DNM3: variants seen among roughly 807,000 people sequenced by gnomAD.
DNM3 encodes dynamin-3.
In DNM3, 47 loss-of-function variants were observed where a neutral mutation model predicts 101.6. The ratio of observed to expected loss-of-function variants is 0.46; its 90% CI spans 0.37 to 0.59. The LOEUF (loss-of-function observed/expected upper bound fraction) is 0.59, where lower values mean the gene tolerates loss of function less well. DNM3 is among the 20% of genes least tolerant of loss of function. DNM3 has a pLI of 0.00. For missense variants in DNM3, 849 were observed against 1,085.7 expected, an observed-to-expected ratio of 0.78 and a Z score of 3.06; for synonymous variants, 385 against 387.9, an observed-to-expected ratio of 0.99 and a Z score of 0.09.
At chr1:172,394,386 A>G (rs1132148) in intron 20 of DNM3, 21,599 of 152,262 alleles carry the variant, frequency 0.14, 1,732 homozygotes, top group Non-Finnish European at 0.18. Context: ...TGTGTCCCCT[A>G]TCTCACTCTT....
chr1:172,163,395 T>C (rs556189506), intron 14 of DNM3, among the ~76,000 whole-genome samples: 3 of 151,978 alleles, frequency 2.0e-5, no homozygotes, highest in East Asian at 1.9e-4. Flanking sequence ...CATGCCACCA[T>C]GCCCAGTTAA....
intron 12 of DNM3, among the ~76,000 whole-genome samples, chr1:172,092,050 A>G (rs1294419713): frequency 6.6e-6 from 1 of 152,202 alleles, no homozygotes; most frequent in African/African-American, 2.4e-5. Context: ...TAGAATTGCC[A>G]TTAGTTAAGA....
At chr1:172,013,651 A>G (rs1407632517) in intron 4 of DNM3, among the ~76,000 whole-genome samples, 2 of 152,066 alleles carry the variant, frequency 1.3e-5, no homozygotes, top group South Asian at 4.1e-4. Flanking sequence ...TTGAGGACCC[A>G]TTAATGAGGT....
chr1:172,084,682 G>C (rs1223829818), intron 12 of DNM3, among the ~76,000 whole-genome samples: 1 of 152,142 alleles, frequency 6.6e-6, no homozygotes, highest in Non-Finnish European at 1.5e-5. Flanking sequence ...AGGAAGAAAA[G>C]TCAAGCCATA....
At chr1:171,983,875 T>A (rs1346218263) in intron 2 of DNM3, among the ~76,000 whole-genome samples, 1 of 152,172 alleles carries the variant, frequency 6.6e-6, no homozygotes, top group Non-Finnish European at 1.5e-5. Flanking sequence ...GTAGCAGTGC[T>A]TTTTCTCAAC....
At chr1:172,362,815 T>C (rs1161658721) in intron 17 of DNM3, among the ~76,000 whole-genome samples, 1 of 151,684 alleles carries the variant, frequency 6.6e-6, no homozygotes, top group Non-Finnish European at 1.5e-5. Context: ...AAAAGCTCTG[T>C]TAAAGATTCT....
At chr1:171,890,726 G>A (rs918471650) in intron 1 of DNM3, among the ~76,000 whole-genome samples, 71 of 151,974 alleles carry the variant, frequency 4.7e-4, no homozygotes, top group African/African-American at 1.7e-3. Flanking sequence ...GTGTGTATGG[G>A]GCATGGGAAA....
At chr1:172,250,769 G>A (rs1159375291) in intron 14 of DNM3, among the ~76,000 whole-genome samples, 1 of 152,090 alleles carries the variant, frequency 6.6e-6, no homozygotes, top group Non-Finnish European at 1.5e-5. Flanking sequence ...AAACCTGATA[G>A]CAGAAACAGG....
At chr1:172,395,408 T>A (rs1329736590) in intron 20 of DNM3, among the ~76,000 whole-genome samples, 1 of 152,048 alleles carries the variant, frequency 6.6e-6, no homozygotes, top group Non-Finnish European at 1.5e-5. Flanking sequence ...TGACCTCAGG[T>A]GATCCACCCA....
Position 172,410,572 on chromosome 1 carries a change from C to T in DNM3, c.*2731C>T, listed in dbSNP as rs1178200010. On this transcript the variant is annotated 3_prime_UTR_variant, in exon 21 of 21. Coordinates refer to ENST00000627582, the MANE Select transcript of DNM3 (RefSeq NM_015569.5). ...GAATAACCATTTACTCAATTATGGA[C>T]AGCTTATTGAAATAGTATTGATTTA... 5 of 984,148 alleles carry T rather than the reference C, an allele frequency of 5.1e-6. No individual in the cohort carries two copies. The highest frequency in any genetic ancestry group is 1.7e-5 in the African/African-American group (1 of 57,180). The allele number at this position is 984,148 out of a possible 1,614,324, so 61.0% of individuals were successfully genotyped here.
At position 172,048,665 on chromosome 1, in the gene DNM3, T is replaced by C. The variant is rs1345591627; in HGVS notation, c.1250T>C (p.Ile417Thr). The stretch of plus-strand genomic sequence containing the variant: ...TTTGAAGCGATAGTCAAGAAACAGA[T>C]TGTAAAGTTGAAAGGGCCTTCCTTG... ...MAFEAIVKKQ[I>T]VKLKGPSLKS... The change falls in exon 10 of 21, where the codon ATT (isoleucine) becomes ACT (threonine). Residue 417 changes from isoleucine to threonine, a missense_variant. This residue lies in a region of DNM3 where 193 missense variants were observed against 238.4 expected (regional missense o/e 0.81). Transcript: ENST00000627582. 1.9e-6 allele frequency: 3 copies of C among 1,613,664 alleles called. No homozygotes were observed. The highest frequency in any genetic ancestry group is 2.5e-6 in the Non-Finnish European group (3 of 1,179,700).
At chr1:172,032,097 T>A (rs1292259037) in intron 4 of DNM3, among the ~76,000 whole-genome samples, 3 of 152,130 alleles carry the variant, frequency 2.0e-5, no homozygotes, top group Non-Finnish European at 4.4e-5. Flanking sequence ...AAAATGAAAA[T>A]GTATAATTTC....
chr1:172,109,326 G>A (rs1440636121), intron 13 of DNM3, among the ~76,000 whole-genome samples: 1 of 152,170 alleles, frequency 6.6e-6, no homozygotes, highest in African/African-American at 2.4e-5. Flanking sequence ...GGAAAAGGAG[G>A]ATTTGTTTTT....
chr1:172,172,823 G>C (rs923727298), intron 14 of DNM3, among the ~76,000 whole-genome samples: 1 of 151,818 alleles, frequency 6.6e-6, no homozygotes, highest in Non-Finnish European at 1.5e-5. Context: ...GTGTGGTTGG[G>C]AAAACATTTC....
intron 17 of DNM3, among the ~76,000 whole-genome samples, chr1:172,339,674 C>T (rs2066602996): frequency 6.6e-6 from 1 of 152,178 alleles, no homozygotes; most frequent in South Asian, 2.1e-4. Flanking sequence ...CCTACAAGCC[C>T]ACCGTCTTTC....
chr1:172,083,807 T>TATA (rs958446652), intron 12 of DNM3, among the ~76,000 whole-genome samples: 1 of 152,162 alleles, frequency 6.6e-6, no homozygotes, highest in African/African-American at 2.4e-5. Context: ...TATATTGATT[T>TATA]ATAGGTTTCC....
intron 13 of DNM3, among the ~76,000 whole-genome samples, chr1:172,095,787 C>G (rs1319674439): frequency 6.6e-6 from 1 of 152,164 alleles, no homozygotes; most frequent in African/African-American, 2.4e-5. Flanking sequence ...TCTTTAAAGT[C>G]TAAATTTGCT....
chr1:172,220,126 G>A (rs909210189), intron 14 of DNM3, among the ~76,000 whole-genome samples: 11 of 152,110 alleles, frequency 7.2e-5, no homozygotes, highest in Admixed American at 3.9e-4. Flanking sequence ...ATATTTTAAG[G>A]ACATGAACAA....
chr1:172,239,817 T>TTTTTTTTTTC (rs2061684456), intron 14 of DNM3, among the ~76,000 whole-genome samples: 1 of 143,750 alleles, frequency 7.0e-6, no homozygotes, highest in African/African-American at 2.6e-5. Context: ...TTTTTTTTTT[T>TTTTTTTTTTC]TTTGTAGTGG....
Sources: gnomAD v4.1 joint callset for allele counts (sites outside exome capture counted in the v4.1 genomes callset) on GRCh38, gnomAD v4.1.1 for gene constraint, gnomAD v4.1.1 regional missense constraint, MANE v1.5 for transcripts, NCBI Gene and HGNC (gene_info 2026-07-23, HGNC 2026-07-21) for gene names.